The following GTF2IRD1 variants were observed in gnomAD, a reference collection of about 807,000 sequenced individuals.
GTF2IRD1 encodes GTF2I repeat domain containing 1, also known as general transcription factor II-I repeat domain-containing protein 1.
GTF2IRD1 carries 26 observed loss-of-function variants against 113.2 expected under a neutral mutation model. That is an observed-to-expected ratio of 0.23 (90% confidence interval 0.17 to 0.32). The LOEUF (loss-of-function observed/expected upper bound fraction) is 0.32, where lower values mean the gene tolerates loss of function less well. GTF2IRD1 is among the 10% of genes least tolerant of loss of function. The pLI is 1.00. For synonymous variants in GTF2IRD1, 484 were observed against 529.1 expected, an observed-to-expected ratio of 0.91 and a Z score of 1.17; for missense variants, 864 against 1,280.8, an observed-to-expected ratio of 0.67 and a Z score of 4.97.
At chr7:74,457,444 C>A (rs1554327697) in intron 1 of GTF2IRD1, among the ~76,000 whole-genome samples, 1 of 152,150 alleles carries the variant, frequency 6.6e-6, no homozygotes, top group Non-Finnish European at 1.5e-5. Context: ...TGAAATCCTG[C>A]TCTTGAGCCT....
At chr7:74,533,270 G>C (rs1191669884) in intron 9 of GTF2IRD1, among the ~76,000 whole-genome samples, 1 of 151,946 alleles carries the variant, frequency 6.6e-6, no homozygotes, top group African/African-American at 2.4e-5. Flanking sequence ...AAGTAGCTGG[G>C]ATTACAGGCA....
At chr7:74,546,459 C>T (rs1798945412) in intron 16 of GTF2IRD1, among the ~76,000 whole-genome samples, 1 of 151,878 alleles carries the variant, frequency 6.6e-6, no homozygotes, top group African/African-American at 2.4e-5. Flanking sequence ...TGACCTTAAG[C>T]GATCTACCCA....
chr7:74,522,340 T>C (rs969344669), intron 7 of GTF2IRD1, among the ~76,000 whole-genome samples: 49 of 151,878 alleles, frequency 3.2e-4, no homozygotes, highest in African/African-American at 1.1e-3. Flanking sequence ...AGGAATGCAG[T>C]AGGACTTGCC....
chr7:74,589,072 T>C (rs1289461470), intron 22 of GTF2IRD1, among the ~76,000 whole-genome samples: 2 of 152,078 alleles, frequency 1.3e-5, no homozygotes, highest in Non-Finnish European at 2.9e-5. Context: ...AAATGTGGGA[T>C]GGGCTGGCCA....
At chr7:74,514,262 C>T (rs1458342917) in intron 3 of GTF2IRD1, among the ~76,000 whole-genome samples, 4 of 152,130 alleles carry the variant, frequency 2.6e-5, no homozygotes, top group Middle Eastern at 3.2e-3. Flanking sequence ...CATCCCCCAG[C>T]GCTGGGCCTA....
chr7:74,489,850 A>G (rs1455346025), intron 1 of GTF2IRD1, among the ~76,000 whole-genome samples: 1 of 152,202 alleles, frequency 6.6e-6, no homozygotes, highest in Non-Finnish European at 1.5e-5. Context: ...GGGACAACCC[A>G]GCAAAGTTTG....
chr7:74,491,630 C>T (rs528948611), intron 1 of GTF2IRD1, among the ~76,000 whole-genome samples: 1 of 152,232 alleles, frequency 6.6e-6, no homozygotes, highest in South Asian at 2.1e-4. Flanking sequence ...CCTCCAGCTC[C>T]ATCCATGTCC....
chr7:74,596,234 G>A (rs1323742360), intron 25 of GTF2IRD1, among the ~76,000 whole-genome samples: 3 of 152,182 alleles, frequency 2.0e-5, no homozygotes, highest in South Asian at 2.1e-4. Context: ...GGCTGAGGTG[G>A]GTGGATCACC....
chr7:74,478,355 C>G (rs922233657), intron 1 of GTF2IRD1, among the ~76,000 whole-genome samples: 2 of 152,216 alleles, frequency 1.3e-5, no homozygotes, highest in Non-Finnish European at 2.9e-5. Flanking sequence ...CAGCGCCAGG[C>G]CCTGTTCACA....
intron 9 of GTF2IRD1, among the ~76,000 whole-genome samples, chr7:74,531,348 G>A (rs1797954905): frequency 6.6e-6 from 1 of 152,232 alleles, no homozygotes; most frequent in Non-Finnish European, 1.5e-5. Context: ...TCCAGCCTGG[G>A]TGACAGCGAG....
chr7:74,471,820 T>C (rs1301631427), intron 1 of GTF2IRD1, among the ~76,000 whole-genome samples: 1 of 151,388 alleles, frequency 6.6e-6, no homozygotes, highest in Non-Finnish European at 1.5e-5. Flanking sequence ...GGTGAAACTC[T>C]GTCTCTACTA....
chr7:74,518,083 AC>A, intron 4 of GTF2IRD1, 55 bp from the exon 5 acceptor site: 1 of 1,305,722 alleles, frequency 7.7e-7, no homozygotes, highest in Admixed American at 2.8e-5. Flanking sequence ...AGCAGCCCCG[AC>A]CCCAGCCTGG....
At chr7:74,524,203 C>T (rs782438768) in intron 8 of GTF2IRD1, 49 bp downstream of exon 8, 4 of 1,217,296 alleles carry the variant, frequency 3.3e-6, no homozygotes, top group South Asian at 1.2e-5. Flanking sequence ...CCGTGTTGAG[C>T]ATCTCATTAC....
At chr7:74,478,598 G>A (rs1794563965) in intron 1 of GTF2IRD1, among the ~76,000 whole-genome samples, 1 of 152,144 alleles carries the variant, frequency 6.6e-6, no homozygotes, top group Non-Finnish European at 1.5e-5. Context: ...TGGGATTACA[G>A]GCACATGCCA....
At chr7:74,590,585 G>A (rs1292765294) in intron 23 of GTF2IRD1, among the ~76,000 whole-genome samples, 1 of 151,382 alleles carries the variant, frequency 6.6e-6, no homozygotes, top group East Asian at 2.0e-4. Flanking sequence ...TAGAGACGAG[G>A]TTTTACCGAG....
At chr7:74,598,185 T>C (rs1265966821) in intron 25 of GTF2IRD1, among the ~76,000 whole-genome samples, 1 of 151,718 alleles carries the variant, frequency 6.6e-6, no homozygotes, top group Non-Finnish European at 1.5e-5. Flanking sequence ...ATTGTGCCAC[T>C]GCGCTCCAGC....
intron 8 of GTF2IRD1, among the ~76,000 whole-genome samples, chr7:74,529,176 G>A (rs1797814740): frequency 6.6e-6 from 1 of 152,076 alleles, no homozygotes; most frequent in East Asian, 1.9e-4. Context: ...CATGAAGGGG[G>A]CAGATGAGGC....
intron 9 of GTF2IRD1, among the ~76,000 whole-genome samples, chr7:74,532,646 C>T (rs1798033796): frequency 1.3e-5 from 2 of 152,086 alleles, no homozygotes; most frequent in Non-Finnish European, 2.9e-5. Context: ...AGCCAGTTTT[C>T]CCCCAAAATT....
intron 1 of GTF2IRD1, among the ~76,000 whole-genome samples, chr7:74,464,887 A>C (rs1203487893): frequency 3.3e-5 from 5 of 151,948 alleles, no homozygotes; most frequent in African/African-American, 1.2e-4. Context: ...AAAGTCCTCA[A>C]AGGCTGGACC....
Sources: gnomAD v4.1 joint callset for allele counts (sites outside exome capture counted in the v4.1 genomes callset) on GRCh38, gnomAD v4.1.1 for gene constraint, MANE v1.5 for transcripts, NCBI Gene and HGNC (gene_info 2026-07-23, HGNC 2026-07-21) for gene names.